BARX2: variants seen among roughly 807,000 people sequenced by gnomAD.
BARX2 encodes homeobox protein BarH-like 2.
BARX2 carries 11 observed loss-of-function variants against 25.5 expected under a neutral mutation model. That is an observed-to-expected ratio of 0.43 (90% CI 0.27 to 0.71). The LOEUF is 0.71. Among genes scored for constraint, BARX2 ranks in the 30% least tolerant of loss-of-function variants. BARX2 has a pLI of 0.19. For synonymous variants in BARX2, 137 were observed against 149.5 expected (o/e 0.92, Z 0.61); for missense variants, 360 against 359.9 (o/e 1.00, Z 0.00).
chr11:129,385,268 C>T (rs1861606638), intron 1 of BARX2, among the ~76,000 whole-genome samples: 2 of 152,242 alleles, frequency 1.3e-5, no homozygotes, highest in African/African-American at 2.4e-5. Flanking sequence ...GACGCACATA[C>T]CCTAGGGCTC....
In BARX2 at chr11:129,436,900, G is replaced by A. The variant is rs1432079880; in HGVS notation, c.337G>A (p.Gly113Ser). Residue 113 changes from glycine (G) to serine (S), a missense_variant, in exon 2 of 4, where the codon GGC (glycine) becomes AGC (serine). Physicochemically the swap from Gly to Ser is moderately conservative, Grantham distance 56. Coordinates refer to ENST00000281437, the MANE Select transcript of BARX2 (RefSeq NM_003658.5). This position sits in a 1 kb window ranked among gnomAD's most constrained non-coding sequence, Gnocchi z 4.5. ...GGCGGTCTCTGCTGAGGCCCCAGGG[G>A]GCGAGGCCCTAGCCAGCAGCGAGTC... ...TEAVSAEAPG[G>S]EALASSESET... 1 of 1,613,968 alleles carries A rather than the reference G, an allele frequency of 6.2e-7. No individual in the cohort carries two copies. The highest frequency in any genetic ancestry group is 1.7e-5 in the Admixed American group (1 of 60,010).
At chr11:129,417,904 TA>T (rs1248990723) in intron 1 of BARX2, among the ~76,000 whole-genome samples, 1 of 152,226 alleles carries the variant, frequency 6.6e-6, no homozygotes, top group African/African-American at 2.4e-5. Context: ...GTACCCATCT[TA>T]TTAAGTAGGC....
chr11:129,451,066 A>G, intron 3 of BARX2, 70 bp from the exon 4 acceptor site: 1 of 1,558,014 alleles, frequency 6.4e-7, no homozygotes, highest in Non-Finnish European at 8.7e-7. Flanking sequence ...ACGTGAGGTT[A>G]TACTGGGAGT....
intron 1 of BARX2, among the ~76,000 whole-genome samples, chr11:129,426,187 T>G (rs1324357098): frequency 6.6e-6 from 1 of 152,106 alleles, no homozygotes; most frequent in Non-Finnish European, 1.5e-5. Flanking sequence ...AAAAGGCTAC[T>G]CAGAATCTCT....
chr11:129,384,961 A>C (rs1668488542), intron 1 of BARX2, among the ~76,000 whole-genome samples: 1 of 152,236 alleles, frequency 6.6e-6, no homozygotes, highest in Non-Finnish European at 1.5e-5. Flanking sequence ...CACAAGATAT[A>C]AAGAGAGCTC....
chr11:129,440,710 G>A (rs967950212), intron 2 of BARX2, among the ~76,000 whole-genome samples: 3 of 152,202 alleles, frequency 2.0e-5, no homozygotes, highest in Non-Finnish European at 4.4e-5. Context: ...TATGCAGCCT[G>A]GTCAGAGCAG....
chr11:129,426,700 T>C (rs1236424551), intron 1 of BARX2, among the ~76,000 whole-genome samples: 3 of 152,142 alleles, frequency 2.0e-5, no homozygotes, highest in Non-Finnish European at 1.5e-5. Flanking sequence ...TTTTTAGAAA[T>C]TGGCTTTGGT....
intron 1 of BARX2, among the ~76,000 whole-genome samples, chr11:129,416,279 G>T (rs115565033): frequency 0.017 from 2,518 of 152,294 alleles, 57 homozygotes; most frequent in African/African-American, 0.055. Context: ...ACACTCAGTG[G>T]TTGTTGAGGA....
chr11:129,402,737 C>T lies in BARX2; in HGVS notation c.187+26515C>T, dbSNP rs903102563. Among the ~76,000 whole-genome samples, 3 of 152,212 alleles carry T rather than the reference C, an allele frequency of 2.0e-5. 1 individual carries two copies. Among genetic ancestry groups the T allele is most frequent in the South Asian group, 4.1e-4 (2 of 4,830 alleles). ...TCTTTGTCTCAGGTTCCCAGCAGAT[C>T]CTCTAAAGGAGAAATCAGTGAATTA... is the stretch of plus-strand genomic sequence containing the variant. On this transcript the variant is annotated intron_variant, in intron 1 of 3. Coordinates refer to ENST00000281437, the MANE Select transcript of BARX2 (RefSeq NM_003658.5).
Position 129,393,366 on chromosome 11 carries a change from C to T in BARX2, c.187+17144C>T, listed in dbSNP as rs560799703. ...ATTTTGAAAAGTATGGTGCTGGGTA[C>T]AGAGTAGATAGATCCTCAGTAATGC... On this transcript the variant is annotated intron_variant, in intron 1 of 3. Coordinates refer to ENST00000281437, the MANE Select transcript of BARX2 (RefSeq NM_003658.5). Among the ~76,000 whole-genome samples the T allele has an allele frequency of 2.3e-4, 35 of 152,196 alleles. No individual in the cohort carries two copies. In the East Asian group the frequency reaches 6.4e-3, roughly 28 times the overall value.
At chr11:129,417,697 G>A (rs1192362966) in intron 1 of BARX2, among the ~76,000 whole-genome samples, 3 of 152,334 alleles carry the variant, frequency 2.0e-5, no homozygotes, top group East Asian at 1.9e-4. Flanking sequence ...TGGGTTCTCC[G>A]ATGCTGACTG....
At chr11:129,387,363 T>C (rs1861626007) in intron 1 of BARX2, among the ~76,000 whole-genome samples, 1 of 152,216 alleles carries the variant, frequency 6.6e-6, no homozygotes, top group African/African-American at 2.4e-5. Flanking sequence ...GCAACAAATC[T>C]GACAGATCCA....
intron 1 of BARX2, among the ~76,000 whole-genome samples, chr11:129,377,200 G>A (rs1042388066): frequency 6.6e-6 from 1 of 152,130 alleles, no homozygotes; most frequent in Non-Finnish European, 1.5e-5. Flanking sequence ...TGCATGAGAG[G>A]CATGAGATAA....
At position 129,376,068 on chromosome 11, in the gene BARX2, G is replaced by T; in HGVS notation, c.33G>T (p.Ser11=). 1 of 1,605,206 alleles carries T rather than the reference G, an allele frequency of 6.2e-7. No homozygotes were observed. Residue 11 remains serine (S), a synonymous_variant, in exon 1 of 4, where the codon TCG becomes TCT. Transcript: ENST00000281437. This position sits in a 1 kb window ranked among gnomAD's most constrained non-coding sequence, Gnocchi z 4.2. ...GCCACGCCGAGCTGAGGCTGAGCTC[G>T]CCCGGCCAGCTCAAAGCAGCCAGGC... The part of the protein sequence containing the change: MHCHAELRLS[S]PGQLKAARRR...
At chr11:129,449,015 T>C (rs1307839533) in intron 3 of BARX2, among the ~76,000 whole-genome samples, 1 of 152,204 alleles carries the variant, frequency 6.6e-6, no homozygotes, top group East Asian at 1.9e-4. Flanking sequence ...AGACTAGTGG[T>C]TGCCCAGGGC....
chr11:129,431,732 AT>A (rs151154433), intron 1 of BARX2, among the ~76,000 whole-genome samples: 4,238 of 152,168 alleles, frequency 0.028, 197 homozygotes, highest in African/African-American at 0.098. Flanking sequence ...AGCTTTTTTC[AT>A]TTTCTTAACA....
At chr11:129,405,140 A>T (rs780449559) in intron 1 of BARX2, among the ~76,000 whole-genome samples, 2 of 152,212 alleles carry the variant, frequency 1.3e-5, no homozygotes, top group Non-Finnish European at 2.9e-5. Flanking sequence ...GCCTCAGAGC[A>T]TTTGGACAGA....
Position 129,451,510 on chromosome 11 carries a change from A to C in BARX2, c.*108A>C. ...CAGCAGCCCAGTAAACTGCGGGCGA[A>C]GAGATCTACCCGTCTCCCTCCCTCC... is the stretch of plus-strand genomic sequence containing the variant. On this transcript the variant is annotated 3_prime_UTR_variant, in exon 4 of 4. Coordinates refer to ENST00000281437, the MANE Select transcript of BARX2 (RefSeq NM_003658.5). 1.6e-6 allele frequency: 2 copies of C among 1,286,962 alleles called. No individual in the cohort carries two copies. The highest frequency in any genetic ancestry group is 2.1e-6 in the Non-Finnish European group (2 of 944,074). The allele number at this position is 1,286,962 out of a possible 1,614,324, so 79.7% of individuals were successfully genotyped here. A position where few individuals can be genotyped will look rare whatever the true frequency, so the allele number is the denominator to read the frequency against.
At chr11:129,439,161 A>G (rs1425710969) in intron 2 of BARX2, among the ~76,000 whole-genome samples, 1 of 152,166 alleles carries the variant, frequency 6.6e-6, no homozygotes, top group African/African-American at 2.4e-5. Flanking sequence ...TAAATGATGG[A>G]TGAGAGAGGC....
Sources: gnomAD v4.1 joint callset for allele counts (sites outside exome capture counted in the v4.1 genomes callset) on GRCh38, gnomAD v4.1.1 for gene constraint, Gnocchi (gnomAD v3.1) non-coding constraint, MANE v1.5 for transcripts, NCBI Gene and HGNC (gene_info 2026-07-23, HGNC 2026-07-21) for gene names.